The following FAM3D variants were observed in gnomAD, a reference collection of about 807,000 sequenced individuals.
The protein encoded by FAM3D is protein FAM3D.
FAM3D carries 26 observed loss-of-function variants against 29.8 expected under a neutral mutation model. The ratio of observed to expected loss-of-function variants is 0.87; its 90% CI spans 0.64 to 1.21. The LOEUF (loss-of-function observed/expected upper bound fraction) is 1.21. Ranked by LOEUF, FAM3D falls within the 50% of genes most tolerant of loss-of-function variation. FAM3D has a pLI of 0.00. For synonymous variants in FAM3D, 115 were observed against 102.3 expected (o/e 1.12, Z -0.75); for missense variants, 253 against 290.9 (o/e 0.87, Z 0.95).
intron 9 of FAM3D, among the ~76,000 whole-genome samples, chr3:58,636,093 C>T (rs1447023868): frequency 6.6e-6 from 1 of 152,182 alleles, no homozygotes; most frequent in Non-Finnish European, 1.5e-5. Context: ...CTATATATGA[C>T]CCAGCTTTTG....
At chr3:58,658,536 T>C (rs1195982645) in intron 1 of FAM3D, among the ~76,000 whole-genome samples, 1 of 152,210 alleles carries the variant, frequency 6.6e-6, no homozygotes, top group African/African-American at 2.4e-5. Context: ...TTGTCTGGAA[T>C]ACTCCTTTGT....
At chr3:58,649,849 G>A (rs2066584057) in intron 3 of FAM3D, among the ~76,000 whole-genome samples, 1 of 152,196 alleles carries the variant, frequency 6.6e-6, no homozygotes, top group African/African-American at 2.4e-5. Context: ...CAGTTTCCTT[G>A]ACAGCACATG....
chr3:58,654,084 A>G (rs538532882), intron 2 of FAM3D, among the ~76,000 whole-genome samples: 1 of 152,338 alleles, frequency 6.6e-6, no homozygotes, highest in African/African-American at 2.4e-5. Flanking sequence ...TCTAGCAATG[A>G]GGCCAGCATT....
chr3:58,650,294 C>T, intron 3 of FAM3D, among the ~76,000 whole-genome samples: 1 of 152,194 alleles, frequency 6.6e-6, no homozygotes, highest in East Asian at 1.9e-4. Flanking sequence ...GCCTCCAAGG[C>T]CCCAGGAGTG....
At chr3:58,651,655 A>G (rs1297052435) in intron 3 of FAM3D, among the ~76,000 whole-genome samples, 1 of 152,114 alleles carries the variant, frequency 6.6e-6, no homozygotes, top group Admixed American at 6.5e-5. Context: ...GAGTACTGAG[A>G]GAGAAATAAT....
chr3:58,650,004 T>C (rs2066588680), intron 3 of FAM3D, among the ~76,000 whole-genome samples: 1 of 152,216 alleles, frequency 6.6e-6, no homozygotes, highest in African/African-American at 2.4e-5. Flanking sequence ...TGGCCCATAT[T>C]GGGGTGTCTC....
intron 5 of FAM3D, among the ~76,000 whole-genome samples, chr3:58,645,276 C>T (rs1277712953): frequency 6.6e-6 from 1 of 152,148 alleles, no homozygotes; most frequent in Non-Finnish European, 1.5e-5. Flanking sequence ...AATATCCCCA[C>T]CTCCCAGGAT....
intron 3 of FAM3D, among the ~76,000 whole-genome samples, chr3:58,649,786 G>A (rs1040558127): frequency 6.6e-6 from 1 of 152,096 alleles, no homozygotes; most frequent in Non-Finnish European, 1.5e-5. Context: ...ATTAGAGTTT[G>A]TGCCCTAGTT....
intron 4 of FAM3D, among the ~76,000 whole-genome samples, chr3:58,646,860 C>T (rs1296243979): frequency 7.9e-5 from 12 of 152,226 alleles, no homozygotes; most frequent in Admixed American, 7.9e-4. Flanking sequence ...GTAGTCTTCA[C>T]TGCATAACAT....
chr3:58,646,853 G>A (rs2066496954), intron 4 of FAM3D, among the ~76,000 whole-genome samples: 1 of 152,232 alleles, frequency 6.6e-6, no homozygotes, highest in South Asian at 2.1e-4. Flanking sequence ...GCAGTGGGTA[G>A]TCTTCACTGC....
At chr3:58,658,580 T>C (rs2106939801) in intron 1 of FAM3D, among the ~76,000 whole-genome samples, 1 of 152,278 alleles carries the variant, frequency 6.6e-6, no homozygotes, top group Non-Finnish European at 1.5e-5. Flanking sequence ...GAGAAATCAC[T>C]TCTGGGAAGC....
At chr3:58,665,802 T>C (rs192902894) in intron 1 of FAM3D, among the ~76,000 whole-genome samples, 322 of 152,330 alleles carry the variant, frequency 2.1e-3, no homozygotes, top group Non-Finnish European at 3.9e-3. Flanking sequence ...ATAGGAAGAT[T>C]AAATGTGTTA....
chr3:58,663,670 C>G (rs950220133), intron 1 of FAM3D, among the ~76,000 whole-genome samples: 1 of 152,240 alleles, frequency 6.6e-6, no homozygotes, highest in Non-Finnish European at 1.5e-5. Context: ...GGCTTTTTCT[C>G]TGTGTCTTCA....
At position 58,640,113 on chromosome 3, in the gene FAM3D, G is replaced by A; in HGVS notation, c.373+14C>T. On this transcript the variant is annotated intron_variant, in intron 7 of 9. Transcript: ENST00000358781. ...ACCCCCGACTGTGACTTCAGTGTCA[G>A]CAGAGGCACCTACCTCCAGAGTACA... 1.2e-6 allele frequency: 2 copies of A among 1,614,062 alleles called. No homozygotes were observed. The highest frequency in any genetic ancestry group is 1.3e-5 in the African/African-American group (1 of 75,030).
rs779075510 is a variant in FAM3D at position 58,636,453 on chromosome 3, G to A, written c.459-33C>T. The A allele has an allele frequency of 9.9e-6, 16 of 1,611,066 alleles. No individual in the cohort carries two copies. The East Asian group carries it at 1.8e-4, about 18-fold the overall frequency. ...GGACCAGAGAGGATGGTCAGGATGC[G>A]GGGGTGGGTCGCAGGGGCATCAGGT... On this transcript the variant is annotated intron_variant, in intron 8 of 9. Coordinates refer to ENST00000358781, the MANE Select transcript of FAM3D (RefSeq NM_138805.3).
chr3:58,653,447 G>A (rs1201818854), intron 3 of FAM3D, among the ~76,000 whole-genome samples: 5 of 151,964 alleles, frequency 3.3e-5, no homozygotes, highest in African/African-American at 2.4e-5. Flanking sequence ...AGTGGTCCTC[G>A]ATGTGGGCAC....
chr3:58,653,873 A>G (rs1255857221), intron 2 of FAM3D, 92 bp from the exon 3 acceptor site: 13 of 935,800 alleles, frequency 1.4e-5, no homozygotes, highest in Non-Finnish European at 3.5e-6. Context: ...CACAGACCCC[A>G]TGCTATAGGC....
At chr3:58,657,133 G>A (rs913353314) in intron 1 of FAM3D, among the ~76,000 whole-genome samples, 2 of 152,112 alleles carry the variant, frequency 1.3e-5, no homozygotes, top group Non-Finnish European at 2.9e-5. Context: ...TCACGACTAC[G>A]CTTTGGATGC....
At chr3:58,650,359 C>T (rs1019511401) in intron 3 of FAM3D, among the ~76,000 whole-genome samples, 34 of 152,092 alleles carry the variant, frequency 2.2e-4, no homozygotes, top group Non-Finnish European at 4.0e-4. Flanking sequence ...GAGACAGAGC[C>T]CTTCCCTACT....
Sources: allele counts gnomAD v4.1 joint callset (sites outside exome capture counted in the v4.1 genomes callset), GRCh38; gene constraint gnomAD v4.1.1; transcripts MANE v1.5; gene names NCBI Gene and HGNC (gene_info 2026-07-23, HGNC 2026-07-21).